Variants in EPB41L4A observed in about 807,000 individuals in gnomAD.
The protein encoded by EPB41L4A is erythrocyte membrane protein band 4.1 like 4A.
EPB41L4A carries 100 observed loss-of-function variants against 108.6 expected under a neutral mutation model. That is an observed-to-expected ratio of 0.92 (90% CI 0.78 to 1.09). EPB41L4A has a LOEUF of 1.09. Among genes scored for constraint, EPB41L4A ranks in the 50% least tolerant of loss-of-function variants. The pLI is 0.00. For missense variants in EPB41L4A, 1,030 were observed against 842.7 expected (o/e 1.22, Z -2.75); for synonymous variants, 319 against 289.0 (o/e 1.10, Z -1.05).
At chr5:112,282,957 A>G (rs1182321004) in intron 2 of EPB41L4A, among the ~76,000 whole-genome samples, 1 of 152,078 alleles carries the variant, frequency 6.6e-6, no homozygotes, top group Admixed American at 6.6e-5. Flanking sequence ...CTTTTCAGTC[A>G]CTAAAGCCAG....
At chr5:112,380,242 C>A (rs1474950846) in intron 1 of EPB41L4A, among the ~76,000 whole-genome samples, 2 of 152,128 alleles carry the variant, frequency 1.3e-5, no homozygotes, top group Non-Finnish European at 2.9e-5. Flanking sequence ...TTAGAAGGAA[C>A]TGAAAACAAG....
chr5:112,275,157 C>G (rs1465935068), intron 4 of EPB41L4A, 169 bp downstream of exon 4: 1 of 778,004 alleles, frequency 1.3e-6, no homozygotes, highest in African/African-American at 1.8e-5. Context: ...TCATCAGACA[C>G]TGATCAACTT....
intron 1 of EPB41L4A, among the ~76,000 whole-genome samples, chr5:112,392,401 CAAAAAA>C (rs56256606): frequency 1.7e-4 from 6 of 35,922 alleles, no homozygotes; most frequent in Admixed American, 4.0e-4. Flanking sequence ...AAATGGAAAG[CAAAAAA>C]AAAAAAAAAA....
At chr5:112,192,487 T>C (rs1343964655) in intron 17 of EPB41L4A, among the ~76,000 whole-genome samples, 1 of 152,204 alleles carries the variant, frequency 6.6e-6, no homozygotes, top group Non-Finnish European at 1.5e-5. Context: ...GCATGAAACG[T>C]GTCGGAATGT....
intron 12 of EPB41L4A, among the ~76,000 whole-genome samples, chr5:112,152,147 A>T (rs761433233): frequency 6.0e-4 from 91 of 152,302 alleles, no homozygotes; most frequent in Non-Finnish European, 3.5e-4. Context: ...TTAAATAAAA[A>T]CAATTTTTAA....
At chr5:112,171,826 AC>A (rs1760597122) in intron 18 of EPB41L4A, among the ~76,000 whole-genome samples, 1 of 152,232 alleles carries the variant, frequency 6.6e-6, no homozygotes, top group Non-Finnish European at 1.5e-5. Flanking sequence ...CTTTAAGAGA[AC>A]AGAGATCTAG....
At chr5:112,376,135 GGACTAACATCTAGAATAT>G (rs1263307812) in intron 1 of EPB41L4A, among the ~76,000 whole-genome samples, 5 of 152,094 alleles carry the variant, frequency 3.3e-5, no homozygotes, top group Non-Finnish European at 5.9e-5. Context: ...TCCAAAGAGA[GGACTAACATCTAGAATAT>G]GTAAAGAACT....
intron 15 of EPB41L4A, 22 bp downstream of exon 15, chr5:112,204,353 A>G: frequency 5.9e-6 from 9 of 1,521,690 alleles, no homozygotes; most frequent in Non-Finnish European, 8.2e-6. Context: ...AGCTGCTAAC[A>G]GAGAGATTGT....
rs76958984 is a variant in EPB41L4A at position 112,287,284 on chromosome 5, G to A, written c.205-6961C>T. Among the ~76,000 whole-genome samples the A allele has an allele frequency of 4.5e-3, 678 of 152,282 alleles. 9 individuals are homozygous for A. Among genetic ancestry groups the A allele is most frequent in the African/African-American group, 0.016 (661 of 41,552 alleles). ...TGATTCTACCCCCTCAAAAAAAATT[G>A]TTCTCCTGCAGTCTTCACCATCTCA... is the stretch of plus-strand genomic sequence containing the variant. On this transcript the variant is annotated intron_variant, in intron 2 of 22. Transcript: ENST00000261486.
At chr5:112,168,185 G>A (rs757516177) in intron 22 of EPB41L4A, among the ~76,000 whole-genome samples, 1 of 152,172 alleles carries the variant, frequency 6.6e-6, no homozygotes, top group Non-Finnish European at 1.5e-5. Flanking sequence ...AACTATGTTT[G>A]CTACAGTGTT....
At chr5:112,339,542 A>ATATAT (rs371198329) in intron 1 of EPB41L4A, among the ~76,000 whole-genome samples, 7,837 of 110,464 alleles carry the variant, frequency 0.071, 329 homozygotes, top group Middle Eastern at 0.13. Flanking sequence ...ATATATATAT[A>ATATAT]TTTTTTTTTT....
intron 1 of EPB41L4A, among the ~76,000 whole-genome samples, chr5:112,365,049 G>C (rs764262684): frequency 2.0e-5 from 3 of 152,104 alleles, no homozygotes; most frequent in Non-Finnish European, 2.9e-5. Context: ...TTGTTTGACC[G>C]CTGTGTTTCC....
At chr5:112,392,430 G>A in intron 1 of EPB41L4A, among the ~76,000 whole-genome samples, 1 of 148,866 alleles carries the variant, frequency 6.7e-6, no homozygotes, top group African/African-American at 2.5e-5. Flanking sequence ...AAAAAGCAGG[G>A]GTTGCAATCC....
At chr5:112,187,790 C>T (rs983336254) in intron 17 of EPB41L4A, among the ~76,000 whole-genome samples, 1 of 152,150 alleles carries the variant, frequency 6.6e-6, no homozygotes, top group African/African-American at 2.4e-5. Context: ...CTGAGATAAA[C>T]ACCATGCTTA....
intron 12 of EPB41L4A, among the ~76,000 whole-genome samples, chr5:112,217,061 C>G (rs1250068416): frequency 6.6e-6 from 1 of 151,972 alleles, no homozygotes; most frequent in Non-Finnish European, 1.5e-5. Flanking sequence ...TCTACCATCT[C>G]AGCCTCCCGA....
intron 1 of EPB41L4A, among the ~76,000 whole-genome samples, chr5:112,332,957 C>G (rs554481124): frequency 9.0e-4 from 137 of 152,272 alleles, no homozygotes; most frequent in Non-Finnish European, 1.5e-3. Flanking sequence ...ACACTCAGAT[C>G]ACACACAGCA....
chr5:112,416,882 T>A (rs546187152), intron 1 of EPB41L4A, among the ~76,000 whole-genome samples: 2 of 152,326 alleles, frequency 1.3e-5, no homozygotes, highest in South Asian at 2.1e-4. Context: ...TTTAATTTAG[T>A]ACACGCCAAG....
At chr5:112,265,871 A>T (rs1220004940) in intron 5 of EPB41L4A, among the ~76,000 whole-genome samples, 1 of 152,224 alleles carries the variant, frequency 6.6e-6, no homozygotes, top group Non-Finnish European at 1.5e-5. Context: ...TCTTCACAAC[A>T]GCAATGCAGG....
chr5:112,289,668 A>G (rs1753522543), intron 2 of EPB41L4A, among the ~76,000 whole-genome samples: 1 of 152,188 alleles, frequency 6.6e-6, no homozygotes, highest in African/African-American at 2.4e-5. Flanking sequence ...TAGGTGCTCC[A>G]TCCCCAGTTG....
Sources: gnomAD v4.1 joint callset for allele counts (sites outside exome capture counted in the v4.1 genomes callset) on GRCh38, gnomAD v4.1.1 for gene constraint, MANE v1.5 for transcripts, NCBI Gene and HGNC (gene_info 2026-07-23, HGNC 2026-07-21) for gene names.